FAM193A: variants seen among roughly 807,000 people sequenced by gnomAD.
FAM193A encodes family with sequence similarity 193 member A, also known as protein FAM193A.
FAM193A carries 22 observed loss-of-function variants against 126.5 expected under a neutral mutation model. The ratio of observed to expected loss-of-function variants is 0.17; its 90% CI spans 0.12 to 0.25. The LOEUF is 0.25. Among genes scored for constraint, FAM193A ranks in the 10% least tolerant of loss-of-function variants. The probability of loss-of-function intolerance (pLI) is 1.00; values close to 1 mark genes in which losing one functional copy is unlikely to be tolerated. For synonymous variants in FAM193A, 761 were observed against 646.8 expected (o/e 1.18, Z -2.68); for missense variants, 1,675 against 1,672.8 (o/e 1.00, Z -0.02).
At chr4:2,610,495 T>C (rs927898991) in intron 2 of FAM193A, among the ~76,000 whole-genome samples, 1 of 152,248 alleles carries the variant, frequency 6.6e-6, no homozygotes, top group Non-Finnish European at 1.5e-5. Context: ...AATTGCCAGA[T>C]TGACTTGAGT....
intron 19 of FAM193A, among the ~76,000 whole-genome samples, chr4:2,711,432 T>C (rs975782614): frequency 6.6e-6 from 1 of 151,158 alleles, no homozygotes; most frequent in Non-Finnish European, 1.5e-5. Flanking sequence ...CTCTGCCTCC[T>C]GGGTTCAAGC....
intron 19 of FAM193A, among the ~76,000 whole-genome samples, chr4:2,709,657 C>T (rs775184890): frequency 2.6e-5 from 4 of 151,762 alleles, no homozygotes; most frequent in African/African-American, 4.9e-5. Context: ...TGCAGTGAGC[C>T]GAGAACACGC....
rs71178487 is a variant in FAM193A, at chr4:2,602,959, C to CTTTTTTTTTTTTTTT, written c.501+6643_501+6657dup. ...ACAAGTGTGAGCCACTGCACCCGGC[C>CTTTTTTTTTTTTTTT]TTTTTTTTTTTTTTTTTTTTTTTTT... On this transcript the variant is annotated intron_variant, in intron 2 of 20. Coordinates refer to ENST00000637812, the MANE Select transcript of FAM193A (RefSeq NM_001366318.2). 2.1e-4 allele frequency among the ~76,000 whole-genome samples: 9 copies of CTTTTTTTTTTTTTTT among 42,306 alleles called. 4 individuals carry two copies. Among genetic ancestry groups the CTTTTTTTTTTTTTTT allele is most frequent in the African/African-American group, 1.0e-3 (9 of 8,684 alleles). 27.8% of individuals were successfully genotyped at this position (42,306 alleles called of 152,430 possible).
intron 13 of FAM193A, among the ~76,000 whole-genome samples, chr4:2,674,098 A>T (rs1323157089): frequency 6.6e-6 from 1 of 152,252 alleles, no homozygotes; most frequent in East Asian, 1.9e-4. Flanking sequence ...ACTTCAGCAA[A>T]CTGAAGACTA....
Position 2,646,721 on chromosome 4 carries a change from C to T in FAM193A, c.1200C>T (p.Asp400=), listed in dbSNP as rs756191193. The change falls in exon 7 of 21, where the codon GAC becomes GAT. Residue 400 remains aspartate (D), a synonymous_variant. Coordinates refer to ENST00000637812, the MANE Select transcript of FAM193A (RefSeq NM_001366318.2). The part of the protein sequence containing the change: ...GTTTHDTCSE[D]TYSTLLQRYQ... ...CCACACACGACACCTGCAGTGAGGA[C>T]ACATACAGTACCTTGCTGCAGAGGT... The T allele has an allele frequency of 5.6e-6, 9 of 1,613,592 alleles. No individual in the cohort carries two copies. Among genetic ancestry groups the T allele is most frequent in the Non-Finnish European group, 6.8e-6 (8 of 1,179,784 alleles).
intron 1 of FAM193A, among the ~76,000 whole-genome samples, chr4:2,582,612 T>C (rs986945557): frequency 6.6e-6 from 1 of 152,204 alleles, no homozygotes; most frequent in Admixed American, 6.5e-5. Context: ...TTTTTAACGT[T>C]CTCTGTGCTT....
chr4:2,584,785 C>T (rs554244220), intron 1 of FAM193A, among the ~76,000 whole-genome samples: 17 of 152,076 alleles, frequency 1.1e-4, no homozygotes, highest in Non-Finnish European at 2.5e-4. Flanking sequence ...ATTAGCTGGG[C>T]GTGGTGGTGT....
intron 1 of FAM193A, among the ~76,000 whole-genome samples, chr4:2,588,972 T>G (rs1740379020): frequency 6.6e-6 from 1 of 152,214 alleles, no homozygotes; most frequent in Non-Finnish European, 1.5e-5. Flanking sequence ...TTTGCCCTTT[T>G]GCTGTATGGA....
chr4:2,596,045 A>G, intron 1 of FAM193A, 39 bp from the exon 2 acceptor site: 1 of 674,548 alleles, frequency 1.5e-6, no homozygotes, highest in Non-Finnish European at 2.7e-6. Context: ...GGCTTTGTAG[A>G]TGAGGTTTTG....
At chr4:2,673,023 A>G (rs892243452) in intron 13 of FAM193A, among the ~76,000 whole-genome samples, 14 of 152,206 alleles carry the variant, frequency 9.2e-5, no homozygotes. Flanking sequence ...AGAGAACCTC[A>G]TGTGTATACT....
At chr4:2,598,321 A>C (rs949221599) in intron 2 of FAM193A, among the ~76,000 whole-genome samples, 32 of 152,186 alleles carry the variant, frequency 2.1e-4, no homozygotes, top group Non-Finnish European at 4.0e-4. Flanking sequence ...TTTATTGAGT[A>C]ATTTTACAGA....
At chr4:2,656,076 T>G (rs974657864) in intron 7 of FAM193A, among the ~76,000 whole-genome samples, 2 of 152,212 alleles carry the variant, frequency 1.3e-5, no homozygotes, top group African/African-American at 4.8e-5. Context: ...TGTGAGCCAC[T>G]GCATCCAGCC....
intron 18 of FAM193A, 148 bp downstream of exon 18, chr4:2,696,741 G>A: frequency 1.6e-6 from 1 of 624,586 alleles, no homozygotes; most frequent in Non-Finnish European, 2.8e-6. Context: ...CTGAGAGCCA[G>A]CCTGTCTCTG....
chr4:2,625,392 G>T lies in FAM193A; in HGVS notation c.632G>T (p.Arg211Leu), dbSNP rs1403257397. The T allele has an allele frequency of 2.9e-6, 2 of 701,476 alleles. No individual in the cohort carries two copies. Among genetic ancestry groups the T allele is most frequent in the Non-Finnish European group, 2.6e-6 (1 of 384,058 alleles). 43.5% of individuals were successfully genotyped at this position (701,476 alleles called of 1,614,324 possible). Residue 211 changes from arginine (R) to leucine (L), a missense_variant, in exon 3 of 21, where the codon CGC (arginine) becomes CTC (leucine). This residue lies in a region of FAM193A where 1,186 missense variants were observed against 1,109.2 expected (regional missense o/e 1.07). Coordinates refer to ENST00000637812, the MANE Select transcript of FAM193A (RefSeq NM_001366318.2). The stretch of plus-strand genomic sequence containing the variant: ...TGCTCGTGCGAGGCCTGCAGTGAGC[G>T]CAGGTATGTGACGTGTGTGCCACGT... ...TACSCEACSE[R>L]REISAEADRE... is the part of the protein sequence containing the mutation.
At chr4:2,552,514 C>A (rs1469915030) in intron 1 of FAM193A, among the ~76,000 whole-genome samples, 1 of 151,928 alleles carries the variant, frequency 6.6e-6, no homozygotes, top group Non-Finnish European at 1.5e-5. Context: ...CTGTATCCCA[C>A]AAATTTTGGT....
In FAM193A at chr4:2,689,513, C is replaced by A; in HGVS notation, c.2339C>A (p.Pro780Gln). The change falls in exon 14 of 21, where the codon CCG (proline) becomes CAG (glutamine). Residue 780 changes from proline to glutamine, a missense_variant. Transcript: ENST00000637812. Reference protein sequence around the residue: ...TPPFTHSKALPPAPVQNHTNK... With the variant: ...TPPFTHSKALQPAPVQNHTNK... ...GAAAATTTTTTTTTGTAGGCTTTAC[C>A]GCCAGCACCTGTTCAGAATCACACA... The A allele has an allele frequency of 6.5e-7, 1 of 1,547,412 alleles. No homozygotes were observed. The highest frequency in any genetic ancestry group is 8.6e-7 in the Non-Finnish European group (1 of 1,159,266).
At position 2,586,654 on chromosome 4, in the gene FAM193A, T is replaced by C. The variant is rs186866753; in HGVS notation, c.256-9430T>C. ...CAGTACCACACTCTCTGAATTATTA[T>C]AGCATTTGTTGTTGTTGAGAACAGG... On this transcript the variant is annotated intron_variant, in intron 1 of 20. Coordinates refer to ENST00000637812, the MANE Select transcript of FAM193A (RefSeq NM_001366318.2). Among the ~76,000 whole-genome samples, 220 of 152,286 alleles carry C rather than the reference T, an allele frequency of 1.4e-3. 7 individuals carry two copies. The East Asian group carries it at 0.034, about 23-fold the overall frequency.
intron 14 of FAM193A, among the ~76,000 whole-genome samples, chr4:2,689,926 C>T (rs1716168509): frequency 6.6e-6 from 1 of 152,224 alleles, no homozygotes; most frequent in African/African-American, 2.4e-5. Context: ...AAGACTCTGG[C>T]TCCATGGCTG....
At chr4:2,572,198 G>A (rs1321724750) in intron 1 of FAM193A, among the ~76,000 whole-genome samples, 1 of 149,696 alleles carries the variant, frequency 6.7e-6, no homozygotes, top group African/African-American at 2.5e-5. Context: ...GTGTGGTTGT[G>A]TGTGCCAGTA....
Sources: allele counts gnomAD v4.1 joint callset (sites outside exome capture counted in the v4.1 genomes callset), GRCh38; gene constraint gnomAD v4.1.1; regional missense constraint gnomAD v4.1.1; transcripts MANE v1.5; gene names NCBI Gene and HGNC (gene_info 2026-07-23, HGNC 2026-07-21).